AMZ2: variants seen among roughly 807,000 people sequenced by gnomAD.
AMZ2 encodes the protein archaemetzincin-2.
Under a neutral mutation model 36.7 loss-of-function variants are expected in AMZ2, and 26 were observed. The observed-to-expected ratio is 0.71, with a 90% CI of 0.52 to 0.98. AMZ2 has a LOEUF of 0.98. Among genes scored for constraint, AMZ2 ranks in the 50% least tolerant of loss-of-function variants. The pLI is 0.00. For missense variants in AMZ2, 394 were observed against 430.5 expected, an observed-to-expected ratio of 0.92 and a Z score of 0.75; for synonymous variants, 144 against 149.1, an observed-to-expected ratio of 0.97 and a Z score of 0.25.
intron 1 of AMZ2, among the ~76,000 whole-genome samples, chr17:68,237,187 T>C (rs1555732807): frequency 1.3e-5 from 2 of 152,158 alleles, no homozygotes; most frequent in African/African-American, 4.8e-5. Flanking sequence ...AAGAAATAAA[T>C]GGACTGAAAA....
intron 1 of AMZ2, among the ~76,000 whole-genome samples, chr17:68,238,877 C>CT (rs2073846294): frequency 6.6e-6 from 1 of 152,114 alleles, no homozygotes; most frequent in African/African-American, 2.4e-5. Flanking sequence ...AGATTTCTTG[C>CT]TTTTTTCATT....
At chr17:68,228,617 C>T (rs1176303731) in intron 1 of AMZ2, among the ~76,000 whole-genome samples, 2 of 152,250 alleles carry the variant, frequency 1.3e-5, no homozygotes, top group African/African-American at 2.4e-5. Flanking sequence ...ATTTGGGTCA[C>T]CCCTGTGGAG....
At chr17:68,240,770 T>A (rs59431248) in intron 1 of AMZ2, among the ~76,000 whole-genome samples, 33,299 of 152,026 alleles carry the variant, frequency 0.22, 4,119 homozygotes, top group East Asian at 0.4. Flanking sequence ...GCATTGAACA[T>A]CTCAGTAGCA....
At chr17:68,222,203 A>T (rs569317078) in intron 1 of AMZ2, among the ~76,000 whole-genome samples, 1 of 152,306 alleles carries the variant, frequency 6.6e-6, no homozygotes, top group African/African-American at 2.4e-5. Flanking sequence ...GTCTAGGGGG[A>T]GAAACAGACT....
chr17:68,206,638 T>G (rs2072842941), intron 1 of AMZ2: 1 of 152,312 alleles, frequency 6.6e-6, no homozygotes, highest in Admixed American at 6.5e-5. Flanking sequence ...CCTCTTGTTT[T>G]ACAAACCTCT....
At chr17:68,251,864 A>T (rs1386697195) in intron 4 of AMZ2, among the ~76,000 whole-genome samples, 2 of 152,232 alleles carry the variant, frequency 1.3e-5, no homozygotes, top group African/African-American at 2.4e-5. Flanking sequence ...GACTAAGTGT[A>T]TGCTTCTTTC....
At chr17:68,209,604 GTATATGTA>G (rs1216980747) in intron 1 of AMZ2, among the ~76,000 whole-genome samples, 4 of 117,770 alleles carry the variant, frequency 3.4e-5, no homozygotes, top group African/African-American at 1.1e-4. Context: ...GTGTGTGTGT[GTATATGTA>G]TATATATATA....
At chr17:68,218,899 C>T (rs1350242209) in intron 1 of AMZ2, among the ~76,000 whole-genome samples, 1 of 152,206 alleles carries the variant, frequency 6.6e-6, no homozygotes, top group Non-Finnish European at 1.5e-5. Flanking sequence ...TTCCCACTGT[C>T]CCTCCGTGAT....
At chr17:68,233,569 C>T (rs1216471369) in intron 1 of AMZ2, among the ~76,000 whole-genome samples, 1 of 150,826 alleles carries the variant, frequency 6.6e-6, no homozygotes, top group Non-Finnish European at 1.5e-5. Flanking sequence ...AGTGAAGGTG[C>T]TGATCTATGA....
At chr17:68,221,209 T>TCCCCC (rs55937321) in intron 1 of AMZ2, among the ~76,000 whole-genome samples, 95 of 66,782 alleles carry the variant, frequency 1.4e-3, no homozygotes, top group African/African-American at 2.1e-3. Flanking sequence ...AGCCCTCAGC[T>TCCCCC]CCCCCCCCCG....
intron 4 of AMZ2, among the ~76,000 whole-genome samples, chr17:68,251,672 A>C (rs79720779): frequency 0.014 from 2,112 of 152,210 alleles, 43 homozygotes; most frequent in African/African-American, 0.048. Context: ...GTCTCAAAAA[A>C]AAAATGTATA....
intron 1 of AMZ2, among the ~76,000 whole-genome samples, chr17:68,236,139 T>C (rs2073781681): frequency 1.3e-5 from 2 of 152,122 alleles, no homozygotes; most frequent in African/African-American, 4.8e-5. Context: ...TTCCAAAATA[T>C]TACTCTTTTC....
intron 1 of AMZ2, among the ~76,000 whole-genome samples, chr17:68,211,778 ATATATGTATATGTATATATGTG>A (rs1349745251): frequency 8.2e-6 from 1 of 122,160 alleles, no homozygotes; most frequent in East Asian, 2.4e-4. Flanking sequence ...GTGTATATGT[ATATATGTATATGTATATATGTG>A]TATATGTATA....
chr17:68,251,873 T>A (rs2074506748), intron 4 of AMZ2, among the ~76,000 whole-genome samples: 1 of 152,246 alleles, frequency 6.6e-6, no homozygotes. Flanking sequence ...TATGCTTCTT[T>A]CTCATCATAC....
chr17:68,208,225 C>T (rs2072904001), intron 1 of AMZ2, among the ~76,000 whole-genome samples: 1 of 152,226 alleles, frequency 6.6e-6, no homozygotes, highest in Non-Finnish European at 1.5e-5. Context: ...TGGCAGGCAG[C>T]TCCACCTGCG....
At position 68,226,080 on chromosome 17, in the gene AMZ2, C is replaced by T. The variant is rs534673149; in HGVS notation, c.-67+19842C>T. On this transcript the variant is annotated intron_variant, in intron 1 of 7. Coordinates refer to the AMZ2 transcript ENST00000674770. ...AAGCTGGCTCGCCCGGGAGCCCTGC[C>T]GGACCCGTAAGGAGGAGAACAAACC... Among the ~76,000 whole-genome samples the T allele has an allele frequency of 6.7e-4, 102 of 152,154 alleles. 1 individual carries two copies. Among genetic ancestry groups the T allele is most frequent in the African/African-American group, 2.4e-3 (101 of 41,492 alleles).
Position 68,248,247 on chromosome 17 carries a change from G to A in AMZ2, c.-459G>A. 1 of 985,928 alleles carries A rather than the reference G, an allele frequency of 1.0e-6. No homozygotes were observed. Among genetic ancestry groups the A allele is most frequent in the African/African-American group, 1.7e-5 (1 of 57,382 alleles). The allele number at this position is 985,928 out of a possible 1,614,324, so 61.1% of individuals were successfully genotyped here. A position where few individuals can be genotyped will look rare whatever the true frequency, so the allele number is the denominator to read the frequency against. On this transcript the variant is annotated 5_prime_UTR_variant, in exon 1 of 7. Transcript: ENST00000359904. The stretch of plus-strand genomic sequence containing the variant: ...GAGGGGCGGACGTGGCGGAAGCCGC[G>A]GGGTCCGCGGGGTCGGTGCCTCTAG...
rs1392248916 is a variant in AMZ2 at position 68,253,547 on chromosome 17, C to T, written c.587-857C>T. On this transcript the variant is annotated intron_variant, in intron 4 of 6. Transcript: ENST00000359904. ...ACACTAGTGACAGAATAGAGTTGAG[C>T]TGTTCTTTGAAAAGGGGGTAGGGTT... is the stretch of plus-strand genomic sequence containing the variant. Among the ~76,000 whole-genome samples the T allele has an allele frequency of 6.6e-5, 10 of 151,992 alleles. No individual in the cohort carries two copies. In the East Asian group the frequency reaches 1.9e-3, roughly 29 times the overall value.
At chr17:68,213,256 G>A (rs1441783118) in intron 1 of AMZ2, among the ~76,000 whole-genome samples, 2 of 152,178 alleles carry the variant, frequency 1.3e-5, no homozygotes, top group Non-Finnish European at 1.5e-5. Context: ...TGGACTGCCT[G>A]GCCTCTTCAT....
Sources: allele counts gnomAD v4.1 joint callset (sites outside exome capture counted in the v4.1 genomes callset), GRCh38; gene constraint gnomAD v4.1.1; transcripts MANE v1.5; gene names NCBI Gene and HGNC (gene_info 2026-07-23, HGNC 2026-07-21).